FLI1: variants seen among roughly 807,000 people sequenced by gnomAD.
FLI1 encodes the protein Fli-1 proto-oncogene, ETS transcription factor, also known as Friend leukemia integration 1 transcription factor.
FLI1 carries 13 observed loss-of-function variants against 53.1 expected under a neutral mutation model. That is an observed-to-expected ratio of 0.24 (90% CI 0.16 to 0.39). FLI1 has a LOEUF of 0.39. Among genes scored for constraint, FLI1 ranks in the 10% least tolerant of loss-of-function variants. The probability of loss-of-function intolerance (pLI) is 1.00; values close to 1 mark genes in which losing one functional copy is unlikely to be tolerated. For synonymous variants in FLI1, 244 were observed against 236.7 expected (o/e 1.03, Z -0.28); for missense variants, 424 against 600.5 (o/e 0.71, Z 3.07).
At chr11:128,704,107 A>G (rs575249496) in intron 1 of FLI1, among the ~76,000 whole-genome samples, 1 of 152,184 alleles carries the variant, frequency 6.6e-6, no homozygotes, top group African/African-American at 2.4e-5. Flanking sequence ...TCTCATATAT[A>G]AAATGAAGGT....
At chr11:128,768,396 C>T (rs774686975) in intron 3 of FLI1, 124 bp downstream of exon 3, 156 of 1,239,262 alleles carry the variant, frequency 1.3e-4, no homozygotes, top group Non-Finnish European at 1.6e-4. Flanking sequence ...GAAAGCTGCA[C>T]GCCAGCCGGG....
At chr11:128,769,425 C>A (rs574570910) in intron 3 of FLI1, among the ~76,000 whole-genome samples, 2 of 152,308 alleles carry the variant, frequency 1.3e-5, no homozygotes, top group East Asian at 3.9e-4. Flanking sequence ...AAAGGTTAGA[C>A]ATCTCTTTGA....
At chr11:128,749,488 C>A (rs181463298) in intron 1 of FLI1, among the ~76,000 whole-genome samples, 1 of 152,118 alleles carries the variant, frequency 6.6e-6, no homozygotes. Flanking sequence ...GCGATTTCCA[C>A]GGACTAGAGG....
rs11221463 is a variant in FLI1 at position 128,765,807 on chromosome 11, G to A, written c.231-2311G>A. On this transcript the variant is annotated intron_variant, in intron 2 of 8. Transcript: ENST00000527786. ...GCACGCGTGTGTGTAATGTGTATGC[G>A]TGTGTGTGCACTGTGTTTGCATGTG... Among the ~76,000 whole-genome samples, 1,405 of 152,034 alleles carry A rather than the reference G, an allele frequency of 9.2e-3. 28 individuals are homozygous for A. Among genetic ancestry groups the A allele is most frequent in the African/African-American group, 0.028 (1,151 of 41,372 alleles).
chr11:128,775,203 G>A (rs554016731), intron 4 of FLI1, among the ~76,000 whole-genome samples: 17 of 152,268 alleles, frequency 1.1e-4, no homozygotes, highest in African/African-American at 2.6e-4. Flanking sequence ...AAGATGGGAA[G>A]TAGTTGTTCT....
At chr11:128,725,819 G>A (rs570601527) in intron 1 of FLI1, among the ~76,000 whole-genome samples, 14 of 152,164 alleles carry the variant, frequency 9.2e-5, no homozygotes, top group South Asian at 8.3e-4. Context: ...GTGGCAGTCC[G>A]TGCAGGAGAA....
intron 5 of FLI1, chr11:128,804,518 A>G (rs546413429): frequency 3.3e-5 from 5 of 152,328 alleles, no homozygotes; most frequent in Admixed American, 6.5e-5. Context: ...TACGATCACA[A>G]AAGTTCGATT....
intron 1 of FLI1, among the ~76,000 whole-genome samples, chr11:128,757,783 A>G (rs1209645916): frequency 1.3e-5 from 2 of 152,106 alleles, no homozygotes; most frequent in African/African-American, 4.8e-5. Context: ...CCACAATACT[A>G]TATTCCATGC....
At chr11:128,696,052 G>C (rs1471478639) in intron 1 of FLI1, 1 of 152,300 alleles carries the variant, frequency 6.6e-6, no homozygotes, top group African/African-American at 2.4e-5. Context: ...GGAAGCTGTG[G>C]TCTGTGTACC....
At chr11:128,789,325 T>C (rs1402219001) in intron 5 of FLI1, among the ~76,000 whole-genome samples, 5 of 152,030 alleles carry the variant, frequency 3.3e-5, no homozygotes, top group Non-Finnish European at 7.4e-5. Flanking sequence ...CCGGGTGCAG[T>C]TGGATGTTTC....
At chr11:128,795,433 A>T (rs1405820440) in intron 5 of FLI1, among the ~76,000 whole-genome samples, 3 of 152,252 alleles carry the variant, frequency 2.0e-5, no homozygotes, top group Admixed American at 2.0e-4. Flanking sequence ...GCTCCAATAA[A>T]GGAAGAACCA....
chr11:128,694,303 C>T, intron 1 of FLI1, 27 bp downstream of exon 1: 2 of 1,334,478 alleles, frequency 1.5e-6, no homozygotes, highest in South Asian at 2.2e-5. Flanking sequence ...CGGACGCGGG[C>T]GGCGGGGACC....
chr11:128,743,276 T>C (rs541761495), intron 1 of FLI1, among the ~76,000 whole-genome samples: 2 of 152,032 alleles, frequency 1.3e-5, no homozygotes, highest in Non-Finnish European at 2.9e-5. Context: ...TGTGTGCCTG[T>C]AGTCTCAGCT....
At chr11:128,739,766 G>A (rs968013593) in intron 1 of FLI1, among the ~76,000 whole-genome samples, 6 of 152,188 alleles carry the variant, frequency 3.9e-5, no homozygotes, top group East Asian at 1.9e-4. Flanking sequence ...AGTTATGAAT[G>A]GAGCTCTTTG....
intron 1 of FLI1, among the ~76,000 whole-genome samples, chr11:128,727,993 C>T (rs1044405726): frequency 1.3e-5 from 2 of 152,260 alleles, no homozygotes; most frequent in African/African-American, 2.4e-5. Context: ...GACCCACTTC[C>T]CCTCAGGCCA....
At chr11:128,775,561 G>A (rs1017865952) in intron 4 of FLI1, among the ~76,000 whole-genome samples, 2 of 152,206 alleles carry the variant, frequency 1.3e-5, no homozygotes, top group South Asian at 2.1e-4. Context: ...GCCATGGGCT[G>A]GCGATCGTGT....
chr11:128,752,668 T>A (rs1328725681), intron 1 of FLI1, among the ~76,000 whole-genome samples: 1 of 152,216 alleles, frequency 6.6e-6, no homozygotes, highest in Non-Finnish European at 1.5e-5. Flanking sequence ...CCTGAGCAAG[T>A]TATTTCACTT....
intron 1 of FLI1, among the ~76,000 whole-genome samples, chr11:128,726,728 G>C (rs1339546043): frequency 1.3e-5 from 2 of 152,222 alleles, no homozygotes; most frequent in African/African-American, 4.8e-5. Context: ...AAGTGTCTTG[G>C]GGTGCTTTGC....
chr11:128,768,780 G>T (rs1020497736), intron 3 of FLI1, among the ~76,000 whole-genome samples: 9 of 151,784 alleles, frequency 5.9e-5, no homozygotes, highest in Admixed American at 5.2e-4. Context: ...TGATGTGTGG[G>T]TGCTAGAAGC....
Sources: allele counts gnomAD v4.1 joint callset (sites outside exome capture counted in the v4.1 genomes callset), GRCh38; gene constraint gnomAD v4.1.1; transcripts MANE v1.5; gene names NCBI Gene and HGNC (gene_info 2026-07-23, HGNC 2026-07-21).